Variants in VRK2 observed in about 807,000 individuals in gnomAD.
VRK2 encodes VRK serine/threonine kinase 2, also known as serine/threonine-protein kinase VRK2.
Under a neutral mutation model 57.6 loss-of-function variants are expected in VRK2, and 60 were observed. The observed-to-expected ratio is 1.04, with a 90% CI of 0.85 to 1.29. The LOEUF (loss-of-function observed/expected upper bound fraction) is 1.29, where lower values mean the gene tolerates loss of function less well. Among genes scored for constraint, VRK2 ranks in the 50% most tolerant of loss-of-function variants. The probability of loss-of-function intolerance (pLI) is 0.00; values close to 1 mark genes in which losing one functional copy is unlikely to be tolerated. For synonymous variants in VRK2, 231 were observed against 199.2 expected (o/e 1.16, Z -1.35); for missense variants, 705 against 588.1 (o/e 1.20, Z -2.06).
chr2:58,126,079 C>G (rs533826400), intron 8 of VRK2, among the ~76,000 whole-genome samples: 1 of 151,640 alleles, frequency 6.6e-6, no homozygotes, highest in African/African-American at 2.4e-5. Flanking sequence ...TCAGAAAAAT[C>G]TTTTTTTCAG....
At chr2:57,917,759 C>T (rs1167442235) in intron 1 of VRK2, among the ~76,000 whole-genome samples, 2 of 151,658 alleles carry the variant, frequency 1.3e-5, no homozygotes, top group African/African-American at 4.8e-5. Flanking sequence ...GAGGGGATGG[C>T]TTTGAATACT....
chr2:58,109,087 G>T (rs1675175573), intron 7 of VRK2, among the ~76,000 whole-genome samples: 1 of 151,668 alleles, frequency 6.6e-6, no homozygotes. Flanking sequence ...TATTATGCTT[G>T]GCACTCAGGT....
At chr2:57,978,339 T>C (rs1672312175) in intron 1 of VRK2, among the ~76,000 whole-genome samples, 1 of 151,072 alleles carries the variant, frequency 6.6e-6, no homozygotes, top group South Asian at 2.1e-4. Flanking sequence ...TTCCTACAAA[T>C]TCACAGTGTG....
At chr2:57,926,364 G>A (rs991162589) in intron 1 of VRK2, among the ~76,000 whole-genome samples, 2 of 150,804 alleles carry the variant, frequency 1.3e-5, no homozygotes, top group Non-Finnish European at 3.0e-5. Context: ...TCTCTCTTTA[G>A]CCTTAATAAT....
chr2:57,929,438 A>G (rs1670648019), intron 1 of VRK2, among the ~76,000 whole-genome samples: 1 of 151,898 alleles, frequency 6.6e-6, no homozygotes, highest in African/African-American at 2.4e-5. Context: ...CAGGCCTAGG[A>G]CCCTCCCTTA....
At chr2:57,998,833 G>A (rs17049288) in intron 1 of VRK2, among the ~76,000 whole-genome samples, 28,391 of 152,066 alleles carry the variant, frequency 0.19, 3,600 homozygotes, top group African/African-American at 0.36. Context: ...ATGAAAAAGC[G>A]TCTTCCAAAT....
At chr2:58,111,348 A>G (rs531188108) in intron 7 of VRK2, among the ~76,000 whole-genome samples, 54 of 152,330 alleles carry the variant, frequency 3.5e-4, no homozygotes, top group African/African-American at 1.2e-3. Flanking sequence ...TGTAATAGAA[A>G]AATCTCTGTG....
At chr2:57,948,977 T>A (rs898593218) in intron 1 of VRK2, among the ~76,000 whole-genome samples, 1 of 149,262 alleles carries the variant, frequency 6.7e-6, no homozygotes, top group Non-Finnish European at 1.5e-5. Flanking sequence ...TGAATTTATA[T>A]AGAAGGAATT....
chr2:57,967,401 A>G (rs1489332720), intron 1 of VRK2, among the ~76,000 whole-genome samples: 1 of 151,890 alleles, frequency 6.6e-6, no homozygotes, highest in Non-Finnish European at 1.5e-5. Flanking sequence ...AGATAATCTC[A>G]TGTAGTTTGT....
At chr2:58,146,599 G>C in intron 12 of VRK2, 125 bp downstream of exon 12, 1 of 1,115,690 alleles carries the variant, frequency 9.0e-7, no homozygotes, top group Non-Finnish European at 1.2e-6. Context: ...AATGAGAAGG[G>C]ACAGAAAATA....
chr2:58,144,040 C>T (rs1197965662), intron 11 of VRK2, among the ~76,000 whole-genome samples: 1 of 151,396 alleles, frequency 6.6e-6, no homozygotes, highest in African/African-American at 2.4e-5. Flanking sequence ...TATATACACA[C>T]ACACACACAA....
At chr2:58,035,799 T>A (rs1674256425) in intron 3 of VRK2, among the ~76,000 whole-genome samples, 1 of 152,006 alleles carries the variant, frequency 6.6e-6, no homozygotes, top group Admixed American at 6.6e-5. Flanking sequence ...TGAAGTGGCA[T>A]CAGATGAGAC....
chr2:58,110,763 G>A (rs1036520937), intron 7 of VRK2, among the ~76,000 whole-genome samples: 6 of 152,172 alleles, frequency 3.9e-5, no homozygotes, highest in African/African-American at 1.4e-4. Context: ...AAAGGAAAGG[G>A]AACCAGAGGC....
At chr2:58,020,040 TA>T (rs1673703202) in intron 1 of VRK2, among the ~76,000 whole-genome samples, 1 of 152,212 alleles carries the variant, frequency 6.6e-6, no homozygotes. Flanking sequence ...GAGAAAATGT[TA>T]AAATATTACT....
chr2:57,989,669 C>G (rs1478853680), intron 1 of VRK2, among the ~76,000 whole-genome samples: 1 of 152,078 alleles, frequency 6.6e-6, no homozygotes, highest in African/African-American at 2.4e-5. Flanking sequence ...TAACTCAGAG[C>G]TTAAGAAAAT....
rs576258193 is a variant in VRK2 at position 58,127,549 on chromosome 2, A to G, written c.677-4259A>G. ...TTTGAAATTGCAGTAAGTCATGGTC[A>G]CCATAAAATATTCTGGATCTTTATA... On this transcript the variant is annotated intron_variant, in intron 8 of 12. Coordinates refer to ENST00000340157, the MANE Select transcript of VRK2 (RefSeq NM_006296.7). 6.2e-4 allele frequency among the ~76,000 whole-genome samples: 94 copies of G among 152,294 alleles called. 1 individual carries two copies. Among genetic ancestry groups the G allele is most frequent in the African/African-American group, 2.2e-3 (91 of 41,590 alleles).
At chr2:57,929,913 T>C (rs539450752) in intron 1 of VRK2, among the ~76,000 whole-genome samples, 2 of 152,244 alleles carry the variant, frequency 1.3e-5, no homozygotes, top group African/African-American at 2.4e-5. Context: ...CCTATCCTAC[T>C]GCAGCTGAGC....
At chr2:57,993,208 A>C (rs1672823573) in intron 1 of VRK2, among the ~76,000 whole-genome samples, 1 of 152,228 alleles carries the variant, frequency 6.6e-6, no homozygotes. Flanking sequence ...AGTCTTTCCT[A>C]AGCCAGAATT....
intron 7 of VRK2, among the ~76,000 whole-genome samples, chr2:58,119,021 C>A (rs552886909): frequency 6.6e-6 from 1 of 152,214 alleles, no homozygotes; most frequent in South Asian, 2.1e-4. Context: ...TAAGGCGGGG[C>A]AGGGCCTTTT....
Sources: gnomAD v4.1 joint callset for allele counts (sites outside exome capture counted in the v4.1 genomes callset) on GRCh38, gnomAD v4.1.1 for gene constraint, MANE v1.5 for transcripts, NCBI Gene and HGNC (gene_info 2026-07-23, HGNC 2026-07-21) for gene names.